NCF1: variants seen among roughly 807,000 people sequenced by gnomAD.
NCF1 encodes the protein neutrophil cytosol factor 1.
In NCF1, 8 loss-of-function variants were observed where a neutral mutation model predicts 34.9. That is an observed-to-expected ratio of 0.23 (90% CI 0.13 to 0.41). NCF1 has a LOEUF of 0.41. NCF1 is among the 10% of genes least tolerant of loss of function. The probability of loss-of-function intolerance (pLI) is 1.00; values close to 1 mark genes in which losing one functional copy is unlikely to be tolerated. For synonymous variants in NCF1, 57 were observed against 146.3 expected, an observed-to-expected ratio of 0.39 and a Z score of 4.41; for missense variants, 122 against 362.4, an observed-to-expected ratio of 0.34 and a Z score of 5.39.
intron 2 of NCF1, chr7:74,777,712 C>T: frequency 1.1e-5 from 3 of 262,464 alleles, no homozygotes; most frequent in South Asian, 1.1e-4. Flanking sequence ...GTGCGCATCA[C>T]CATGTGTGGC....
chr7:74,785,689 C>T (rs1796658564), intron 8 of NCF1: 1 of 340,600 alleles, frequency 2.9e-6, no homozygotes, highest in Non-Finnish European at 5.8e-6. Flanking sequence ...TCGAGACCAC[C>T]CTGGCCAACA....
At position 74,788,829 on chromosome 7, in the gene NCF1, G is replaced by A. The variant is rs1554415004; in HGVS notation, c.1051+125G>A. 3 of 1,343,502 alleles carry A rather than the reference G, an allele frequency of 2.2e-6. No homozygotes were observed. In the African/African-American group the frequency reaches 4.4e-5, roughly 20 times the overall value. The allele number at this position is 1,343,502 out of a possible 1,614,324, so 83.2% of individuals were successfully genotyped here. ...GAGGGCGGAATCAGAGGGAGAGGCG[G>A]GGACTGGAGGCGGGGTCAGAGGAGG... On this transcript the variant is annotated intron_variant, in intron 10 of 10. Transcript: ENST00000289473.
intron 8 of NCF1, chr7:74,785,520 A>G (rs1554414433): frequency 4.3e-6 from 2 of 464,234 alleles, no homozygotes; most frequent in African/African-American, 4.0e-5. Context: ...CTCCTTTGTG[A>G]TTTAGGGTCT....
In NCF1 at chr7:74,787,238, G is replaced by A. The variant is rs185170050; in HGVS notation, c.801-746G>A. Among the ~76,000 whole-genome samples, 14 of 152,088 alleles carry A rather than the reference G, an allele frequency of 9.2e-5. No individual in the cohort carries two copies. The East Asian group carries it at 2.7e-3, about 29-fold the overall frequency. On this transcript the variant is annotated intron_variant, in intron 8 of 10. Transcript: ENST00000289473. ...GGATCACTTGATGTCAGGAGTTTGA[G>A]ACCAGCCATGACCAACATGGTGAAA... is the stretch of plus-strand genomic sequence containing the variant.
At chr7:74,787,350 G>T (rs1436013095) in intron 8 of NCF1, among the ~76,000 whole-genome samples, 1 of 152,114 alleles carries the variant, frequency 6.6e-6, no homozygotes, top group African/African-American at 2.4e-5. Context: ...TGAGACAGGA[G>T]AATTGCTTGA....
At chr7:74,782,609 G>A (rs1184211733) in intron 5 of NCF1, among the ~76,000 whole-genome samples, 2 of 151,794 alleles carry the variant, frequency 1.3e-5, no homozygotes, top group East Asian at 1.9e-4. Context: ...GGTGGCATAC[G>A]TCTATGGTCC....
chr7:74,781,807 A>G, intron 5 of NCF1, among the ~76,000 whole-genome samples: 1 of 135,228 alleles, frequency 7.4e-6, no homozygotes, highest in Non-Finnish European at 1.6e-5. Flanking sequence ...TGCTGAGATT[A>G]TAGACATGAG....
intron 5 of NCF1, among the ~76,000 whole-genome samples, chr7:74,781,921 C>T (rs1294080180): frequency 6.6e-6 from 1 of 151,400 alleles, no homozygotes; most frequent in African/African-American, 2.4e-5. Flanking sequence ...TTGAAACGTA[C>T]TTAAGAGTAC....
rs782100556 is a variant in NCF1, at chr7:74,783,007, G to A, written c.520G>A (p.Glu174Lys). The A allele has an allele frequency of 6.8e-6, 11 of 1,611,400 alleles. No individual in the cohort carries two copies. In the East Asian group the frequency reaches 8.9e-5, roughly 13 times the overall value. ...IANYEKTSGS[E>K]MALSTGDVVE... The stretch of plus-strand genomic sequence containing the variant: ...CAACTACGAGAAGACCTCGGGCTCC[G>A]AGATGGCTCTGTCCACGGGGGACGT... The change falls in exon 6 of 11, where the codon GAG (glutamate) becomes AAG (lysine). Residue 174 changes from glutamate to lysine, a missense_variant. Physicochemically the swap from Glu to Lys is moderately conservative, Grantham distance 56 (BLOSUM62 1). Around this residue, in one of 9 missense-constraint regions of NCF1, gnomAD observed 57 missense variants for 89.3 expected, o/e 0.64. Coordinates refer to ENST00000289473, the MANE Select transcript of NCF1 (RefSeq NM_000265.7).
intron 6 of NCF1, 147 bp from the exon 7 acceptor site, chr7:74,783,377 CT>C (rs1158402628): frequency 9.7e-5 from 88 of 909,018 alleles, no homozygotes; most frequent in Non-Finnish European, 1.4e-4. Context: ...TGCATGTGAC[CT>C]CATTGTCCAG....
At chr7:74,775,948 CT>C (rs782778957) in intron 1 of NCF1, among the ~76,000 whole-genome samples, 92,300 of 113,770 alleles carry the variant, frequency 0.81, 36,949 homozygotes, top group East Asian at 0.95. Context: ...CTGGATCAGT[CT>C]TTTTTTTTTT....
At chr7:74,783,218 T>C in intron 6 of NCF1, 157 bp downstream of exon 6, 1 of 1,430,654 alleles carries the variant, frequency 7.0e-7, no homozygotes, top group Non-Finnish European at 9.6e-7. Context: ...GCCTTCTGTC[T>C]TAGTGTGCAC....
At chr7:74,783,139 G>A (rs1317318624) in intron 6 of NCF1, 78 bp downstream of exon 6, 7 of 1,579,264 alleles carry the variant, frequency 4.4e-6, no homozygotes, top group South Asian at 3.4e-5. Flanking sequence ...CCAAGGCTCA[G>A]GCAGCCTTGC....
chr7:74,782,469 GCA>G (rs1796588729), intron 5 of NCF1, among the ~76,000 whole-genome samples: 1 of 76,418 alleles, frequency 1.3e-5, no homozygotes, highest in African/African-American at 5.8e-5. Flanking sequence ...AAGGCCAGGT[GCA>G]GTGGCTCCAC....
intron 10 of NCF1, 30 bp downstream of exon 10, chr7:74,788,734 C>T (rs782775114): frequency 2.8e-5 from 44 of 1,546,098 alleles, no homozygotes; most frequent in Admixed American, 3.9e-5. Context: ...GCAGGAAGGG[C>T]AAGCCCTAGA....
At chr7:74,777,129 T>G in intron 1 of NCF1, 138 bp from the exon 2 acceptor site, 2 of 727,278 alleles carry the variant, frequency 2.7e-6, no homozygotes, top group Non-Finnish European at 4.7e-6. Flanking sequence ...GTGCCCTTTC[T>G]GCAATCCAGG....
chr7:74,777,321 C>T lies in NCF1; in HGVS notation c.127C>T (p.Arg43Cys), dbSNP rs781786929. Residue 43 changes from arginine (R) to cysteine (C), a missense_variant, in exon 2 of 11, where the codon CGC (arginine) becomes TGC (cysteine). This residue lies in a region of NCF1 where 12 missense variants were observed against 30.0 expected (regional missense o/e 0.40). Transcript: ENST00000289473. ...CCTGTCGGAGAAGGTGGTCTACCGG[C>T]GCTTCACCGAGATCTACGAGTTCCA... The part of the protein sequence containing the change: ...QDLSEKVVYR[R>C]FTEIYEFHKT... 6.9e-6 allele frequency: 11 copies of T among 1,589,194 alleles called. No homozygotes were observed. Among genetic ancestry groups the T allele is most frequent in the South Asian group, 3.3e-5 (3 of 89,560 alleles).
At chr7:74,776,034 C>T (rs1796465553) in intron 1 of NCF1, among the ~76,000 whole-genome samples, 1 of 72,382 alleles carries the variant, frequency 1.4e-5, no homozygotes, top group Non-Finnish European at 2.6e-5. Context: ...GCATCCTCCG[C>T]CTCCCAGGTT....
chr7:74,783,128 G>C (rs782465451), intron 6 of NCF1, 67 bp downstream of exon 6: 17 of 1,578,164 alleles, frequency 1.1e-5, no homozygotes, highest in Non-Finnish European at 1.5e-5. Flanking sequence ...CAAGCCCCCT[G>C]CCAAGGCTCA....
Sources: allele counts gnomAD v4.1 joint callset (sites outside exome capture counted in the v4.1 genomes callset), GRCh38; gene constraint gnomAD v4.1.1; regional missense constraint gnomAD v4.1.1; transcripts MANE v1.5; gene names NCBI Gene and HGNC (gene_info 2026-07-23, HGNC 2026-07-21).